The following RPS6KC1 variants were observed in gnomAD, a reference collection of about 807,000 sequenced individuals.
The protein encoded by RPS6KC1 is inactive ribosomal protein S6 kinase delta-1.
Under a neutral mutation model 103.8 loss-of-function variants are expected in RPS6KC1, and 54 were observed. That is an observed-to-expected ratio of 0.52 (90% CI 0.42 to 0.65). The LOEUF (loss-of-function observed/expected upper bound fraction) is 0.65. Ranked by LOEUF, RPS6KC1 falls within the 30% of genes least tolerant of loss-of-function variation. RPS6KC1 has a pLI of 0.00. For missense variants in RPS6KC1, 1,151 were observed against 1,253.8 expected (o/e 0.92, Z 1.24); for synonymous variants, 439 against 438.7 (o/e 1.00, Z -0.01).
chr1:213,301,558 C>T, the RPS6KC1 span, among the ~76,000 whole-genome samples: 1 of 152,032 alleles, frequency 6.6e-6, no homozygotes, highest in Non-Finnish European at 1.5e-5. Flanking sequence ...CTGTAGCTGG[C>T]CATGGTGGTG....
chr1:213,674,427 C>T, the RPS6KC1 span, among the ~76,000 whole-genome samples: 1 of 152,178 alleles, frequency 6.6e-6, no homozygotes, highest in Non-Finnish European at 1.5e-5. Flanking sequence ...GGATAATGGC[C>T]TTAGGATAAT....
At chr1:213,673,272 G>A in the RPS6KC1 span, among the ~76,000 whole-genome samples, 1 of 152,232 alleles carries the variant, frequency 6.6e-6, no homozygotes, top group African/African-American at 2.4e-5. Flanking sequence ...TAAGTCAGGA[G>A]TAGTTAAGTT....
the RPS6KC1 span, among the ~76,000 whole-genome samples, chr1:213,515,081 T>G: frequency 1.3e-5 from 2 of 152,176 alleles, no homozygotes; most frequent in Admixed American, 6.5e-5. Context: ...GAGTTGTTTG[T>G]TTTTTTCTTG....
chr1:213,338,542 G>A, the RPS6KC1 span, among the ~76,000 whole-genome samples: 1 of 152,192 alleles, frequency 6.6e-6, no homozygotes, highest in Non-Finnish European at 1.5e-5. Context: ...CAGGTGTTCA[G>A]TAAACCCTTG....
intron 3 of RPS6KC1, among the ~76,000 whole-genome samples, chr1:213,084,923 C>T (rs2080239435): frequency 6.6e-6 from 1 of 152,096 alleles, no homozygotes. Flanking sequence ...GTCTGTCTGC[C>T]CCTTATTAGT....
chr1:213,345,691 A>G, the RPS6KC1 span, among the ~76,000 whole-genome samples: 133 of 152,194 alleles, frequency 8.7e-4, 2 homozygotes, highest in East Asian at 3.5e-3. Context: ...CTCCTTTTTG[A>G]TGGGCCCTGA....
At chr1:213,140,958 G>A (rs769421362) in intron 6 of RPS6KC1, among the ~76,000 whole-genome samples, 14 of 150,104 alleles carry the variant, frequency 9.3e-5, no homozygotes, top group South Asian at 2.1e-4. Flanking sequence ...GTGCAATGGC[G>A]TGATCTTGGC....
downstream of RPS6KC1, among the ~76,000 whole-genome samples, chr1:213,276,155 G>A (rs1573771191): frequency 6.6e-6 from 1 of 152,224 alleles, no homozygotes; most frequent in South Asian, 2.1e-4. Context: ...CACCTAGTAT[G>A]CCTTGATTGA....
At chr1:213,330,287 T>C in the RPS6KC1 span, among the ~76,000 whole-genome samples, 8,977 of 152,336 alleles carry the variant, frequency 0.059, 363 homozygotes, top group Middle Eastern at 0.095. Context: ...ACCAACTGGC[T>C]TCTCTGTTCA....
chr1:213,212,708 A>G (rs1475266988), intron 8 of RPS6KC1, among the ~76,000 whole-genome samples: 5 of 152,244 alleles, frequency 3.3e-5, no homozygotes, highest in African/African-American at 1.2e-4. Context: ...GTAGCAATGA[A>G]TGAAAGTTTC....
downstream of RPS6KC1, among the ~76,000 whole-genome samples, chr1:213,277,291 G>T (rs1313515691): frequency 6.6e-6 from 1 of 152,230 alleles, no homozygotes; most frequent in Non-Finnish European, 1.5e-5. Context: ...TTTTTGGTAA[G>T]ATTTATGATC....
chr1:213,775,856 T>G, the RPS6KC1 span, among the ~76,000 whole-genome samples: 4 of 152,230 alleles, frequency 2.6e-5, no homozygotes, highest in Admixed American at 2.6e-4. Flanking sequence ...TTGCTGCTGC[T>G]TTATCAACTA....
At chr1:213,854,169 T>C in the RPS6KC1 span, among the ~76,000 whole-genome samples, 1 of 152,164 alleles carries the variant, frequency 6.6e-6, no homozygotes, top group Non-Finnish European at 1.5e-5. Context: ...CAACCACAAA[T>C]AGAATATGAT....
the RPS6KC1 span, among the ~76,000 whole-genome samples, chr1:213,512,056 G>A: frequency 6.6e-6 from 1 of 152,170 alleles, no homozygotes; most frequent in Non-Finnish European, 1.5e-5. Flanking sequence ...GATAGTGATA[G>A]CAATAGTCAG....
At chr1:213,628,534 A>C in the RPS6KC1 span, among the ~76,000 whole-genome samples, 313 of 152,094 alleles carry the variant, frequency 2.1e-3, 1 homozygote, top group Middle Eastern at 0.014. Flanking sequence ...CATGCAGGTT[A>C]GTTACATATG....
At chr1:213,085,848 G>A (rs1000341151) in intron 3 of RPS6KC1, among the ~76,000 whole-genome samples, 5 of 151,794 alleles carry the variant, frequency 3.3e-5, no homozygotes, top group Non-Finnish European at 7.4e-5. Flanking sequence ...TTCACAAATT[G>A]TCCCAGCTTT....
intron 8 of RPS6KC1, among the ~76,000 whole-genome samples, chr1:213,191,746 C>A (rs1018768262): frequency 6.6e-6 from 1 of 151,970 alleles, no homozygotes; most frequent in Non-Finnish European, 1.5e-5. Flanking sequence ...TTCAGTTTTT[C>A]CCCCATTCAG....
chr1:213,285,333 A>T, the RPS6KC1 span, among the ~76,000 whole-genome samples: 1 of 56,778 alleles, frequency 1.8e-5, no homozygotes. Context: ...CCATCTCCTA[A>T]TGCTGTCATA....
At chr1:213,574,755 C>A in the RPS6KC1 span, among the ~76,000 whole-genome samples, 2 of 152,126 alleles carry the variant, frequency 1.3e-5, no homozygotes, top group African/African-American at 2.4e-5. Flanking sequence ...AAGTCGAAGG[C>A]CCCAGAAATG....
Sources: gnomAD v4.1 joint callset for allele counts (sites outside exome capture counted in the v4.1 genomes callset) on GRCh38, gnomAD v4.1.1 for gene constraint, MANE v1.5 for transcripts, NCBI Gene and HGNC (gene_info 2026-07-23, HGNC 2026-07-21) for gene names.